Variants in CDH11 observed in about 807,000 individuals in gnomAD.
CDH11 encodes cadherin 11.
CDH11 carries 11 observed loss-of-function variants against 67.8 expected under a neutral mutation model. The observed-to-expected ratio is 0.16, with a 90% CI of 0.10 to 0.27. CDH11 has a LOEUF of 0.27. Ranked by LOEUF, CDH11 falls within the 10% of genes least tolerant of loss-of-function variation. The probability of loss-of-function intolerance (pLI) is 1.00; values close to 1 mark genes in which losing one functional copy is unlikely to be tolerated. For synonymous variants in CDH11, 419 were observed against 400.0 expected (o/e 1.05, Z -0.57); for missense variants, 847 against 1,031.2 (o/e 0.82, Z 2.45).
intron 2 of CDH11, among the ~76,000 whole-genome samples, chr16:65,029,408 A>T (rs2073597196): frequency 6.6e-6 from 1 of 152,234 alleles, no homozygotes. Flanking sequence ...AAATAATTAC[A>T]AATTAAAAAC....
intron 1 of CDH11, among the ~76,000 whole-genome samples, chr16:65,064,300 A>G (rs2074278967): frequency 6.6e-6 from 1 of 152,092 alleles, no homozygotes; most frequent in African/African-American, 2.4e-5. Context: ...GTGGCTTAGG[A>G]CTCTGTTTCC....
At chr16:65,032,304 T>C (rs1243740351) in intron 2 of CDH11, among the ~76,000 whole-genome samples, 5 of 135,382 alleles carry the variant, frequency 3.7e-5, no homozygotes, top group Non-Finnish European at 7.7e-5. Flanking sequence ...CTGGGCAACA[T>C]GGAGAAACTC....
chr16:65,032,324 CAA>C (rs35617108), intron 2 of CDH11, among the ~76,000 whole-genome samples: 29 of 109,332 alleles, frequency 2.7e-4, no homozygotes, highest in Admixed American at 2.8e-4. Context: ...CTGTCTCTCC[CAA>C]AAAAAAAAAA....
At chr16:64,979,667 C>T (rs1187196929) in intron 8 of CDH11, among the ~76,000 whole-genome samples, 1 of 152,056 alleles carries the variant, frequency 6.6e-6, no homozygotes, top group East Asian at 1.9e-4. Flanking sequence ...TTTGGCAGCT[C>T]CTCAGAAAGT....
At chr16:65,043,708 C>G (rs2142678957) in intron 2 of CDH11, among the ~76,000 whole-genome samples, 1 of 152,274 alleles carries the variant, frequency 6.6e-6, no homozygotes, top group South Asian at 2.1e-4. Context: ...CAATTCTACC[C>G]ATGTTGGGAT....
chr16:65,029,705 T>A (rs1479775558), intron 2 of CDH11, among the ~76,000 whole-genome samples: 1 of 152,242 alleles, frequency 6.6e-6, no homozygotes, highest in Admixed American at 6.5e-5. Context: ...ACTGGATGAA[T>A]GAATAGCGTT....
chr16:64,965,155 T>TCC (rs1402376869), intron 11 of CDH11, among the ~76,000 whole-genome samples: 1 of 127,840 alleles, frequency 7.8e-6, no homozygotes, highest in Non-Finnish European at 1.5e-5. Context: ...GGTCAGGAGT[T>TCC]CCAGACCAGC....
At chr16:64,965,039 TA>T (rs1291351502) in intron 11 of CDH11, among the ~76,000 whole-genome samples, 3 of 151,766 alleles carry the variant, frequency 2.0e-5, no homozygotes, top group Non-Finnish European at 4.4e-5. Context: ...CCTTAATTTT[TA>T]TTATTATTAT....
upstream of CDH11, chr16:65,122,131 C>CGGGGCGGGG (rs2075345285): frequency 4.1e-5 from 2 of 48,376 alleles, no homozygotes; most frequent in African/African-American, 2.0e-4. Context: ...CAGGCGGGTG[C>CGGGGCGGGG]GGGGCGGGGG....
At position 64,947,937 on chromosome 16, in the gene CDH11, C is replaced by A; in HGVS notation, c.2057G>T (p.Gly686Val). ...FDIATLQNPDGINGFIPRKDI... is the reference protein window; with the variant it reads ...FDIATLQNPDVINGFIPRKDI... ...TTTGCGGGGGATAAATCCATTGATACCATCAGGATTCTGGAGGGTGGCAAT... is the reference window on the plus strand; with the variant it reads ...TTTGCGGGGGATAAATCCATTGATAACATCAGGATTCTGGAGGGTGGCAAT... The change falls in exon 13 of 13, where the codon GGT becomes GTT. Residue 686 changes from glycine to valine, a missense_variant. Coordinates refer to ENST00000268603, the MANE Select transcript of CDH11 (RefSeq NM_001797.4). 6 of 1,614,094 alleles carry A rather than the reference C, an allele frequency of 3.7e-6. No homozygotes were observed. The highest frequency in any genetic ancestry group is 5.1e-6 in the Non-Finnish European group (6 of 1,180,016).
chr16:65,031,687 T>C (rs1347236487), intron 2 of CDH11, among the ~76,000 whole-genome samples: 2 of 151,942 alleles, frequency 1.3e-5, no homozygotes, highest in East Asian at 3.9e-4. Flanking sequence ...ATGCAGAAAA[T>C]ACAGGCAGGA....
intron 1 of CDH11, among the ~76,000 whole-genome samples, chr16:65,085,385 C>A (rs538092064): frequency 2.0e-5 from 3 of 152,316 alleles, no homozygotes; most frequent in African/African-American, 7.2e-5. Flanking sequence ...GCTTGAGGTT[C>A]CTCCTCTGTA....
Position 64,945,915 on chromosome 16 carries a change from A to G in CDH11, c.*1688T>C, listed in dbSNP as rs1252247399. On this transcript the variant is annotated 3_prime_UTR_variant, in exon 13 of 13. Transcript: ENST00000268603. ...CCCTGTGTGTAGGGGGAAAGAGGGAAAGCACTTGCAGTGTGACTTTATGTG... is the reference window on the plus strand; with the variant it reads ...CCCTGTGTGTAGGGGGAAAGAGGGAGAGCACTTGCAGTGTGACTTTATGTG... 1 of 1,058,090 alleles carries G rather than the reference A, an allele frequency of 9.5e-7. No individual in the cohort carries two copies. 65.5% of individuals were successfully genotyped at this position (1,058,090 alleles called of 1,614,324 possible).
At chr16:65,099,694 G>A (rs995475620) in intron 1 of CDH11, among the ~76,000 whole-genome samples, 1 of 152,146 alleles carries the variant, frequency 6.6e-6, no homozygotes, top group African/African-American at 2.4e-5. Flanking sequence ...CCATGTAAAT[G>A]GAAATGTAGA....
chr16:65,007,135 A>C (rs2073074382), intron 2 of CDH11: 1 of 152,198 alleles, frequency 6.6e-6, no homozygotes, highest in Admixed American at 6.5e-5. Context: ...GAATTGGTGA[A>C]ATTATAATTT....
intron 1 of CDH11, among the ~76,000 whole-genome samples, chr16:65,075,852 T>C (rs539029549): frequency 5.9e-5 from 9 of 152,332 alleles, no homozygotes; most frequent in Non-Finnish European, 8.8e-5. Context: ...CCATAACATA[T>C]AAATGATTGT....
chr16:65,110,346 G>A (rs2075135160), intron 1 of CDH11, among the ~76,000 whole-genome samples: 1 of 152,074 alleles, frequency 6.6e-6, no homozygotes, highest in South Asian at 2.1e-4. Context: ...AAACTTTTGG[G>A]TTTCTTAGTT....
intron 1 of CDH11, among the ~76,000 whole-genome samples, chr16:65,111,270 A>G (rs916790477): frequency 4.6e-5 from 7 of 152,230 alleles, no homozygotes. Flanking sequence ...ATATCATTTA[A>G]TATCAGAGCT....
intron 1 of CDH11, among the ~76,000 whole-genome samples, chr16:65,076,106 G>C (rs559251131): frequency 6.1e-4 from 93 of 152,270 alleles, no homozygotes; most frequent in African/African-American, 2.1e-3. Flanking sequence ...TTGAGAGTTT[G>C]CCAACAAGCC....
Sources: gnomAD v4.1 joint callset for allele counts (sites outside exome capture counted in the v4.1 genomes callset) on GRCh38, gnomAD v4.1.1 for gene constraint, MANE v1.5 for transcripts, NCBI Gene and HGNC (gene_info 2026-07-23, HGNC 2026-07-21) for gene names.